Variants in RAF1 observed in about 807,000 individuals in gnomAD.
RAF1 encodes RAF proto-oncogene serine/threonine-protein kinase.
RAF1 carries 27 observed loss-of-function variants against 81.1 expected under a neutral mutation model. The observed-to-expected ratio is 0.33, with a 90% CI of 0.25 to 0.46. RAF1 has a LOEUF of 0.46. RAF1 is among the 20% of genes least tolerant of loss of function. RAF1 has a pLI of 1.00. For synonymous variants in RAF1, 298 were observed against 294.0 expected (o/e 1.01, Z -0.14); for missense variants, 598 against 826.0 (o/e 0.72, Z 3.38).
intron 1 of RAF1, among the ~76,000 whole-genome samples, chr3:12,657,590 G>A (rs1575686450): frequency 2.0e-5 from 3 of 151,980 alleles, no homozygotes; most frequent in Non-Finnish European, 1.5e-5. Context: ...TCACTATCAT[G>A]GAGAAACCCC....
At chr3:12,659,141 A>C (rs1200903685) in intron 1 of RAF1, among the ~76,000 whole-genome samples, 1 of 152,086 alleles carries the variant, frequency 6.6e-6, no homozygotes, top group East Asian at 1.9e-4. Context: ...TATCATGAGA[A>C]TTACAAGGCA....
chr3:12,604,369 G>C lies in RAF1; in HGVS notation c.681-80C>G, dbSNP rs1419004876. ...GTCTTTCAAGTACATATTTGACTAAGTAAGATGCTTAAGGGCAAACTCTAC... is the reference window on the plus strand; with the variant it reads ...GTCTTTCAAGTACATATTTGACTAACTAAGATGCTTAAGGGCAAACTCTAC... On this transcript the variant is annotated intron_variant, in intron 6 of 17. Transcript: ENST00000442415. 2.0e-6 allele frequency: 3 copies of C among 1,471,288 alleles called. No homozygotes were observed. In the African/African-American group the frequency reaches 4.2e-5, roughly 21 times the overall value. 91.1% of individuals were successfully genotyped at this position (1,471,288 alleles called of 1,614,324 possible).
chr3:12,658,135 T>A (rs1203970071), intron 1 of RAF1, among the ~76,000 whole-genome samples: 1 of 152,206 alleles, frequency 6.6e-6, no homozygotes, highest in African/African-American at 2.4e-5. Flanking sequence ...CCACTTGGAA[T>A]ATGTTCCAAG....
chr3:12,612,833 T>C (rs572137030), intron 2 of RAF1, among the ~76,000 whole-genome samples: 1 of 152,308 alleles, frequency 6.6e-6, no homozygotes, highest in Non-Finnish European at 1.5e-5. Context: ...TACACATATA[T>C]GTTCACTAGA....
chr3:12,619,057 A>C (rs1390419748), intron 1 of RAF1, among the ~76,000 whole-genome samples: 1 of 150,562 alleles, frequency 6.6e-6, no homozygotes, highest in Non-Finnish European at 1.5e-5. Context: ...CATCCTGGCT[A>C]ACACGGTGAA....
intron 14 of RAF1, chr3:12,587,322 T>TA (rs2058361163): frequency 9.5e-6 from 5 of 524,400 alleles, no homozygotes; most frequent in Non-Finnish European, 1.7e-5. Flanking sequence ...ATTTCAAGCT[T>TA]ACGGAAATCT....
chr3:12,599,180 T>A (rs1335578758), intron 11 of RAF1: 2 of 158,464 alleles, frequency 1.3e-5, no homozygotes, highest in Non-Finnish European at 1.4e-5. Context: ...GATTCAAGAA[T>A]TAAGTCAATG....
chr3:12,660,158 T>G (rs1441314750), intron 1 of RAF1, among the ~76,000 whole-genome samples: 5 of 117,752 alleles, frequency 4.2e-5, no homozygotes, highest in Non-Finnish European at 9.0e-5. Context: ...AGAGCAACTG[T>G]AATATAATAC....
chr3:12,654,211 C>T (rs1236932625), intron 1 of RAF1, among the ~76,000 whole-genome samples: 2 of 152,014 alleles, frequency 1.3e-5, no homozygotes, highest in African/African-American at 4.8e-5. Flanking sequence ...TGGTTTTGAA[C>T]TCCTGGCCTC....
chr3:12,640,037 C>G (rs1241506436), intron 1 of RAF1, among the ~76,000 whole-genome samples: 2 of 152,098 alleles, frequency 1.3e-5, no homozygotes, highest in African/African-American at 4.8e-5. Flanking sequence ...ACCAATGGAA[C>G]AGAACAGAGC....
intron 1 of RAF1, among the ~76,000 whole-genome samples, chr3:12,653,013 A>G (rs2060581352): frequency 1.3e-5 from 2 of 151,540 alleles, no homozygotes; most frequent in South Asian, 4.2e-4. Context: ...TGGGTGCGGT[A>G]GCTCATGCCT....
chr3:12,584,915 T>TG lies in RAF1; in HGVS notation c.1794dup (p.Lys599GlnfsTer9). The TG allele has an allele frequency of 6.2e-7, 1 of 1,614,184 alleles. No homozygotes were observed. Among genetic ancestry groups the TG allele is most frequent in the Non-Finnish European group, 8.5e-7 (1 of 1,180,038 alleles). ...TCAGCTACCAGCCTCTTCATTGCTT[T>TG]GGGGCAGTTCTTATATAGCTTACTA... On this transcript the variant is annotated frameshift_variant, in exon 17 of 18. Coordinates refer to ENST00000442415, the MANE Select transcript of RAF1 (RefSeq NM_001354689.3). LOFTEE classifies it high-confidence loss of function.
intron 1 of RAF1, among the ~76,000 whole-genome samples, chr3:12,658,208 T>A (rs2060762021): frequency 6.6e-6 from 1 of 152,230 alleles, no homozygotes; most frequent in Non-Finnish European, 1.5e-5. Flanking sequence ...TGTTTTTTCC[T>A]GTACATACAT....
At chr3:12,642,706 AC>A (rs2060229187) in intron 1 of RAF1, among the ~76,000 whole-genome samples, 1 of 149,666 alleles carries the variant, frequency 6.7e-6, no homozygotes, top group Non-Finnish European at 1.5e-5. Context: ...ACACACACAC[AC>A]ACACACACAC....
At chr3:12,591,924 AATT>A in intron 11 of RAF1, 132 bp from the exon 11 acceptor site, 2 of 746,126 alleles carry the variant, frequency 2.7e-6, no homozygotes, top group Admixed American at 2.2e-5. Context: ...GCAAATTTCC[AATT>A]TTTTTTTTTT....
At chr3:12,649,589 TCACACACACACA>T (rs3072126) in intron 1 of RAF1, among the ~76,000 whole-genome samples, 2 of 150,444 alleles carry the variant, frequency 1.3e-5, no homozygotes, top group South Asian at 2.1e-4. Flanking sequence ...CCAGAGACTG[TCACACACACACA>T]CACACACACA....
At chr3:12,656,945 C>G (rs977253714) in intron 1 of RAF1, among the ~76,000 whole-genome samples, 3 of 149,302 alleles carry the variant, frequency 2.0e-5, no homozygotes, top group African/African-American at 7.5e-5. Context: ...TGCAGTGAAC[C>G]AACATCACGC....
chr3:12,605,029 T>C (rs1220335614), intron 6 of RAF1, among the ~76,000 whole-genome samples: 1 of 152,238 alleles, frequency 6.6e-6, no homozygotes, highest in Non-Finnish European at 1.5e-5. Flanking sequence ...AAAAAATGCC[T>C]TCCCACATAA....
At chr3:12,596,495 T>G (rs904324160) in intron 11 of RAF1, among the ~76,000 whole-genome samples, 2 of 151,862 alleles carry the variant, frequency 1.3e-5, no homozygotes, top group African/African-American at 4.8e-5. Flanking sequence ...CACCCAGCCT[T>G]GATGCCAAAT....
Sources: gnomAD v4.1 joint callset for allele counts (sites outside exome capture counted in the v4.1 genomes callset) on GRCh38, gnomAD v4.1.1 for gene constraint, MANE v1.5 for transcripts, NCBI Gene and HGNC (gene_info 2026-07-23, HGNC 2026-07-21) for gene names.